Variants in DLGAP2 observed in about 807,000 individuals in gnomAD.
DLGAP2 encodes the protein disks large-associated protein 2.
Under a neutral mutation model 100.3 loss-of-function variants are expected in DLGAP2, and 26 were observed. The observed-to-expected ratio is 0.26, with a 90% CI of 0.19 to 0.36. The LOEUF is 0.36. Among genes scored for constraint, DLGAP2 ranks in the 10% least tolerant of loss-of-function variants. DLGAP2 has a pLI of 1.00. For synonymous variants in DLGAP2, 886 were observed against 630.1 expected, an observed-to-expected ratio of 1.41 and a Z score of -6.08; for missense variants, 1,858 against 1,453.2, an observed-to-expected ratio of 1.28 and a Z score of -4.53.
chr8:1,061,550 A>G (rs999090373), intron 2 of DLGAP2, among the ~76,000 whole-genome samples: 2 of 151,876 alleles, frequency 1.3e-5, no homozygotes, highest in African/African-American at 4.8e-5. Context: ...TTGGGGTAAG[A>G]CGTGTGTGGA....
intron 6 of DLGAP2, among the ~76,000 whole-genome samples, chr8:1,601,862 C>A (rs745873980): frequency 2.0e-5 from 3 of 151,982 alleles, no homozygotes; most frequent in Non-Finnish European, 4.4e-5. Context: ...TTAAATAGCA[C>A]CTGTTCAGTG....
rs190594917 is a variant in DLGAP2, at chr8:1,541,633, C to T, written c.173-6993C>T. On this transcript the variant is annotated intron_variant, in intron 4 of 14. Coordinates refer to ENST00000637795, the MANE Select transcript of DLGAP2 (RefSeq NM_001346810.2). ...TCCCAGGACCAGATCTTGGATCCCACGACTGGGAACCAGCAGAGCCCACTG... is the reference window on the plus strand; with the variant it reads ...TCCCAGGACCAGATCTTGGATCCCATGACTGGGAACCAGCAGAGCCCACTG... Among the ~76,000 whole-genome samples, 8 of 152,294 alleles carry T rather than the reference C, an allele frequency of 5.3e-5. No homozygotes were observed. In the East Asian group the frequency reaches 1.2e-3, roughly 22 times the overall value.
At chr8:846,538 C>T (rs565039163) in intron 1 of DLGAP2, among the ~76,000 whole-genome samples, 28 of 152,256 alleles carry the variant, frequency 1.8e-4, no homozygotes, top group South Asian at 1.2e-3. Flanking sequence ...CATCTTTTGG[C>T]GTGTGACAGT....
intron 2 of DLGAP2, among the ~76,000 whole-genome samples, chr8:1,207,674 A>T (rs574658002): frequency 9.2e-5 from 14 of 152,318 alleles, no homozygotes; most frequent in African/African-American, 3.4e-4. Flanking sequence ...ACTAGTTTAC[A>T]TTCCCACCAG....
At chr8:914,711 G>A (rs1798555338) in intron 2 of DLGAP2, among the ~76,000 whole-genome samples, 1 of 152,202 alleles carries the variant, frequency 6.6e-6, no homozygotes, top group Admixed American at 6.5e-5. Context: ...GTGGTTTACA[G>A]CCAATTTAAT....
At chr8:799,225 C>G (rs571291489) in intron 1 of DLGAP2, among the ~76,000 whole-genome samples, 15 of 152,308 alleles carry the variant, frequency 9.8e-5, no homozygotes, top group African/African-American at 3.4e-4. Context: ...TTCTCGGGCT[C>G]CTTCCCTCGT....
At chr8:1,251,268 C>T (rs1189996288) in intron 2 of DLGAP2, among the ~76,000 whole-genome samples, 1 of 152,134 alleles carries the variant, frequency 6.6e-6, no homozygotes, top group East Asian at 1.9e-4. Flanking sequence ...ATGACTATCT[C>T]CTAGCATAGT....
At chr8:1,241,274 G>T (rs1303920138) in intron 2 of DLGAP2, among the ~76,000 whole-genome samples, 1 of 150,174 alleles carries the variant, frequency 6.7e-6, no homozygotes, top group East Asian at 2.0e-4. Context: ...CTCTCACATG[G>T]CTCCGTGTCT....
rs888117175 is a variant in DLGAP2, at chr8:1,708,388, C to A, written c.*6982C>A. 6 of 152,116 alleles carry A rather than the reference C, an allele frequency of 3.9e-5. No homozygotes were observed. The highest frequency in any genetic ancestry group is 3.9e-4 in the Admixed American group (6 of 15,280). 9.4% of individuals were successfully genotyped at this position (152,116 alleles called of 1,614,324 possible). On this transcript the variant is annotated 3_prime_UTR_variant, in exon 15 of 15. Coordinates refer to ENST00000637795, the MANE Select transcript of DLGAP2 (RefSeq NM_001346810.2). ...TCTCTATATTTTAAGAAGTAATGGA[C>A]ATTTATTAAGGTTACAGATTTAATA... is the stretch of plus-strand genomic sequence containing the variant.
At chr8:1,637,803 C>T (rs546393694) in intron 8 of DLGAP2, among the ~76,000 whole-genome samples, 2 of 152,280 alleles carry the variant, frequency 1.3e-5, no homozygotes, top group East Asian at 1.9e-4. Flanking sequence ...TTGAAGAGCT[C>T]GTCAGCCATG....
chr8:1,327,047 A>T (rs1801038226), intron 3 of DLGAP2, among the ~76,000 whole-genome samples: 1 of 152,250 alleles, frequency 6.6e-6, no homozygotes, highest in African/African-American at 2.4e-5. Context: ...TTCCATTGCG[A>T]AAATCCCGGG....
intron 4 of DLGAP2, among the ~76,000 whole-genome samples, chr8:1,524,838 G>T (rs1312247581): frequency 1.3e-5 from 2 of 152,022 alleles, no homozygotes. Context: ...CTTACCACCC[G>T]TGGGTTCATC....
rs375410594 is a variant in DLGAP2 at position 885,816 on chromosome 8, G to A, written c.19-22096G>A. 2.3e-3 allele frequency among the ~76,000 whole-genome samples: 354 copies of A among 152,282 alleles called. 1 individual carries two copies. The highest frequency in any genetic ancestry group is 8.3e-3 in the African/African-American group (343 of 41,552). On this transcript the variant is annotated intron_variant, in intron 1 of 14. Transcript: ENST00000637795. ...TCCTTCAATACCTAGTTTATTGAGAGTGTTTAACAATCAATGTTCATCAGG... is the reference window on the plus strand; with the variant it reads ...TCCTTCAATACCTAGTTTATTGAGAATGTTTAACAATCAATGTTCATCAGG...
intron 1 of DLGAP2, among the ~76,000 whole-genome samples, chr8:853,549 A>G (rs558774882): frequency 1.3e-5 from 2 of 152,146 alleles, no homozygotes; most frequent in Non-Finnish European, 2.9e-5. Context: ...GATGAAGCCC[A>G]GGGCCAGACT....
intron 2 of DLGAP2, among the ~76,000 whole-genome samples, chr8:1,171,543 C>G (rs1328164589): frequency 1.3e-5 from 2 of 151,880 alleles, no homozygotes; most frequent in Non-Finnish European, 1.5e-5. Context: ...TCACTCAGGA[C>G]TTGCTTTATG....
At chr8:1,275,097 T>C (rs1421361783) in intron 3 of DLGAP2, among the ~76,000 whole-genome samples, 1 of 152,174 alleles carries the variant, frequency 6.6e-6, no homozygotes, top group East Asian at 1.9e-4. Flanking sequence ...CCTGAGGACC[T>C]GCAATTTAAT....
chr8:884,878 C>T (rs116778115), intron 1 of DLGAP2, among the ~76,000 whole-genome samples: 1 of 152,148 alleles, frequency 6.6e-6, no homozygotes, highest in Non-Finnish European at 1.5e-5. Flanking sequence ...CACCATTTTA[C>T]TGAATAGGAG....
intron 3 of DLGAP2, among the ~76,000 whole-genome samples, chr8:1,432,920 G>C (rs1300068160): frequency 4.6e-5 from 7 of 152,196 alleles, no homozygotes; most frequent in African/African-American, 1.7e-4. Context: ...GGAATGGCGA[G>C]CATCGAGGCG....
At chr8:1,505,734 T>A (rs1252010811) in intron 4 of DLGAP2, among the ~76,000 whole-genome samples, 1 of 152,210 alleles carries the variant, frequency 6.6e-6, no homozygotes, top group Non-Finnish European at 1.5e-5. Context: ...GGGAAGACCT[T>A]CAGACACACT....
Sources: allele counts gnomAD v4.1 joint callset (sites outside exome capture counted in the v4.1 genomes callset), GRCh38; gene constraint gnomAD v4.1.1; transcripts MANE v1.5; gene names NCBI Gene and HGNC (gene_info 2026-07-23, HGNC 2026-07-21).